Variants in UVRAG observed in about 807,000 individuals in gnomAD.
The protein encoded by UVRAG is UV radiation resistance-associated gene protein.
Under a neutral mutation model 78.0 loss-of-function variants are expected in UVRAG, and 19 were observed. The ratio of observed to expected loss-of-function variants is 0.24; its 90% CI spans 0.17 to 0.36. The LOEUF (loss-of-function observed/expected upper bound fraction) is 0.36. Ranked by LOEUF, UVRAG falls within the 10% of genes least tolerant of loss-of-function variation. The probability of loss-of-function intolerance (pLI) is 1.00; values close to 1 mark genes in which losing one functional copy is unlikely to be tolerated. For missense variants in UVRAG, 740 were observed against 853.8 expected (o/e 0.87, Z 1.66); for synonymous variants, 323 against 324.6 (o/e 1.00, Z 0.05).
chr11:75,951,345 G>A (rs1752123702), intron 6 of UVRAG, among the ~76,000 whole-genome samples: 1 of 148,990 alleles, frequency 6.7e-6, no homozygotes, highest in South Asian at 2.1e-4. Flanking sequence ...GTGTGTGTGT[G>A]TGTGTGTGTG....
intron 6 of UVRAG, among the ~76,000 whole-genome samples, chr11:75,953,690 T>C (rs1345864965): frequency 6.6e-6 from 1 of 152,172 alleles, no homozygotes; most frequent in Non-Finnish European, 1.5e-5. Context: ...TGACATAATT[T>C]TTTTTATTCA....
chr11:75,860,774 A>ATTTCTTTTCTTTTCTT (rs1359351251), intron 2 of UVRAG, among the ~76,000 whole-genome samples: 2 of 150,982 alleles, frequency 1.3e-5, no homozygotes, highest in African/African-American at 4.9e-5. Flanking sequence ...TGAGCGTGCA[A>ATTTCTTTTCTTTTCTT]TTTCTTTTCT....
chr11:75,956,388 C>CTTTTTTTTTTTTTTTTTTTTTTT (rs1319171839), intron 6 of UVRAG, among the ~76,000 whole-genome samples: 1 of 128,780 alleles, frequency 7.8e-6, no homozygotes, highest in African/African-American at 2.9e-5. Flanking sequence ...CAATTCTTGC[C>CTTTTTTTTTTTTTTTTTTTTTTT]TTTTTTTTTT....
intron 13 of UVRAG, among the ~76,000 whole-genome samples, chr11:76,087,285 T>C (rs1318878005): frequency 1.3e-5 from 2 of 152,216 alleles, no homozygotes; most frequent in African/African-American, 2.4e-5. Context: ...ATTACAGATA[T>C]GAGTTGCCAT....
chr11:75,848,593 C>T (rs565379597), intron 1 of UVRAG, among the ~76,000 whole-genome samples: 12 of 152,262 alleles, frequency 7.9e-5, no homozygotes, highest in South Asian at 2.1e-4. Flanking sequence ...ATTATAGATT[C>T]GATCTCCGTC....
intron 5 of UVRAG, among the ~76,000 whole-genome samples, chr11:75,898,015 C>A (rs1258229944): frequency 7.9e-5 from 12 of 151,130 alleles, no homozygotes. Flanking sequence ...ATTACAGGGG[C>A]CTGCCACCAC....
At chr11:75,816,445 C>T (rs533908794) in intron 1 of UVRAG, among the ~76,000 whole-genome samples, 2 of 152,304 alleles carry the variant, frequency 1.3e-5, no homozygotes, top group African/African-American at 4.8e-5. Flanking sequence ...TTTATTCCTC[C>T]TGCCAAGAAG....
intron 12 of UVRAG, among the ~76,000 whole-genome samples, chr11:76,046,223 A>T: frequency 6.6e-6 from 1 of 152,198 alleles, no homozygotes; most frequent in East Asian, 1.9e-4. Flanking sequence ...TTCCTAGGAA[A>T]CTTCTGGAAG....
chr11:76,102,081 A>G (rs567378094), intron 13 of UVRAG, among the ~76,000 whole-genome samples: 23 of 152,140 alleles, frequency 1.5e-4, no homozygotes, highest in Non-Finnish European at 2.8e-4. Flanking sequence ...TTGGTTCCAT[A>G]TGAATTTTAA....
intron 3 of UVRAG, among the ~76,000 whole-genome samples, chr11:75,870,973 G>A (rs1276788606): frequency 6.6e-6 from 1 of 151,838 alleles, no homozygotes; most frequent in African/African-American, 2.4e-5. Flanking sequence ...AGGTACAAGC[G>A]ATTCTCCTGT....
At chr11:75,959,835 C>G (rs1272607528) in intron 6 of UVRAG, among the ~76,000 whole-genome samples, 1 of 152,140 alleles carries the variant, frequency 6.6e-6, no homozygotes, top group African/African-American at 2.4e-5. Flanking sequence ...TTCACTTGAA[C>G]ACCTAGAGGT....
Position 76,143,214 on chromosome 11 carries a change from A to AG in UVRAG, c.*1803dup, listed in dbSNP as rs1335168406. On this transcript the variant is annotated 3_prime_UTR_variant, in exon 15 of 15. Transcript: ENST00000356136. ...AAGAAAAGTTCTGAAGGGCAGTGTTAGGATTGCAGAATGGAAGGTCAACCC... is the reference window on the plus strand; with the variant it reads ...AAGAAAAGTTCTGAAGGGCAGTGTTAGGGATTGCAGAATGGAAGGTCAACCC... 1.1e-4 allele frequency: 16 copies of AG among 152,278 alleles called. No individual in the cohort carries two copies. The highest frequency in any genetic ancestry group is 3.9e-4 in the African/African-American group (16 of 41,518). 9.4% of individuals were successfully genotyped at this position (152,278 alleles called of 1,614,324 possible). A position where few individuals can be genotyped will look rare whatever the true frequency, so the allele number is the denominator to read the frequency against.
chr11:75,911,745 T>C, intron 5 of UVRAG: 2 of 419,036 alleles, frequency 4.8e-6, no homozygotes, highest in Non-Finnish European at 8.5e-6. Context: ...TCTTGTCAGA[T>C]CCCCCTGCCA....
At chr11:75,957,536 C>G (rs1948824941) in intron 6 of UVRAG, among the ~76,000 whole-genome samples, 2 of 151,596 alleles carry the variant, frequency 1.3e-5, no homozygotes, top group South Asian at 4.1e-4. Flanking sequence ...TTGCTTTTCT[C>G]TATAAATTAC....
At chr11:75,951,452 AG>A in intron 6 of UVRAG, among the ~76,000 whole-genome samples, 1 of 151,828 alleles carries the variant, frequency 6.6e-6, no homozygotes, top group East Asian at 1.9e-4. Flanking sequence ...GTGCGATCTC[AG>A]CTCACCACAA....
rs115105402 is a variant in UVRAG at position 75,943,191 on chromosome 11, A to T, written c.594-18253A>T. ...TCATGGCCTACACCCTCCCACCCCC[A>T]CTTTGGTAGCGTTTTTAGTTTCTTT... On this transcript the variant is annotated intron_variant, in intron 6 of 14. Transcript: ENST00000356136. Among the ~76,000 whole-genome samples, 720 of 151,818 alleles carry T rather than the reference A, an allele frequency of 4.7e-3. 5 individuals are homozygous for T. The highest frequency in any genetic ancestry group is 0.016 in the African/African-American group (669 of 41,410).
chr11:75,843,539 G>A, intron 1 of UVRAG, among the ~76,000 whole-genome samples: 1 of 152,200 alleles, frequency 6.6e-6, no homozygotes, highest in East Asian at 1.9e-4. Flanking sequence ...AGCAGGATCT[G>A]AATCCCACAT....
intron 1 of UVRAG, among the ~76,000 whole-genome samples, chr11:75,822,833 G>A (rs1460174541): frequency 9.2e-5 from 14 of 152,066 alleles, no homozygotes; most frequent in Admixed American, 9.2e-4. Flanking sequence ...AAAACCTGTA[G>A]TTCTGTGATT....
chr11:76,085,962 A>C (rs767745938), intron 13 of UVRAG, among the ~76,000 whole-genome samples: 1 of 152,134 alleles, frequency 6.6e-6, no homozygotes, highest in Non-Finnish European at 1.5e-5. Flanking sequence ...TACTCTGTTA[A>C]AGCCATGAGC....
Sources: allele counts gnomAD v4.1 joint callset (sites outside exome capture counted in the v4.1 genomes callset), GRCh38; gene constraint gnomAD v4.1.1; transcripts MANE v1.5; gene names NCBI Gene and HGNC (gene_info 2026-07-23, HGNC 2026-07-21).